BTNL3: variants seen among roughly 807,000 people sequenced by gnomAD.
BTNL3 encodes butyrophilin-like protein 3.
In BTNL3, 20 loss-of-function variants were observed where a neutral mutation model predicts 40.1. That is an observed-to-expected ratio of 0.50 (90% CI 0.35 to 0.72). BTNL3 has a LOEUF of 0.72. BTNL3 is among the 30% of genes least tolerant of loss of function. The pLI, the probability that BTNL3 is intolerant of heterozygous loss-of-function variation, is 0.01. For synonymous variants in BTNL3, 179 were observed against 222.1 expected (o/e 0.81, Z 1.73); for missense variants, 449 against 582.2 (o/e 0.77, Z 2.35).
chr5:181,004,990 T>C (rs1463492950), intron 7 of BTNL3, among the ~76,000 whole-genome samples: 1 of 152,086 alleles, frequency 6.6e-6, no homozygotes, highest in Non-Finnish European at 1.5e-5. Context: ...AGGGCATTAG[T>C]AGCTGGCTTC....
At chr5:180,992,209 T>C (rs1320358313) in intron 1 of BTNL3, among the ~76,000 whole-genome samples, 2 of 128,188 alleles carry the variant, frequency 1.6e-5, no homozygotes, top group African/African-American at 2.7e-5. Context: ...TGTCACACCA[T>C]GTCCTTCAGA....
Position 181,006,450 on chromosome 5 carries a change from G to A in BTNL3, c.*578G>A, listed in dbSNP as rs868227696. The A allele has an allele frequency of 6.5e-6, 1 of 154,546 alleles. No homozygotes were observed. The highest frequency in any genetic ancestry group is 2.4e-5 in the African/African-American group (1 of 41,576). The allele number at this position is 154,546 out of a possible 1,614,324, so 9.6% of individuals were successfully genotyped here. A position where few individuals can be genotyped will look rare whatever the true frequency, so the allele number is the denominator to read the frequency against. On this transcript the variant is annotated 3_prime_UTR_variant, in exon 8 of 8. Coordinates refer to ENST00000342868, the MANE Select transcript of BTNL3 (RefSeq NM_197975.3). ...GTGAGGCTCAAAGAATAAAGAGGAG[G>A]TAGGATTTTTCACTGATTCTATAAG...
intron 3 of BTNL3, among the ~76,000 whole-genome samples, chr5:181,002,199 C>T (rs1760122440): frequency 7.6e-6 from 1 of 131,634 alleles, no homozygotes. Flanking sequence ...AGCCCAGAAA[C>T]AAATCCAAGC....
At chr5:180,993,284 T>G in intron 2 of BTNL3, 124 bp downstream of exon 2, 1 of 1,279,342 alleles carries the variant, frequency 7.8e-7, no homozygotes, top group Non-Finnish European at 1.0e-6. Flanking sequence ...TAAAAAGGCT[T>G]CGGTGGGGAT....
rs1391516630 is a variant in BTNL3 at position 181,001,572 on chromosome 5, G to A, written c.674-1100G>A. Among the ~76,000 whole-genome samples, 4 of 133,698 alleles carry A rather than the reference G, an allele frequency of 3.0e-5. 1 individual carries two copies. The Admixed American group carries it at 3.2e-4, about 11-fold the overall frequency. The allele number at this position is 133,698 out of a possible 152,430, so 87.7% of individuals were successfully genotyped here. On this transcript the variant is annotated intron_variant, in intron 3 of 7. Transcript: ENST00000342868. ...CCTTAAGAAATCCTCCCGGCCAGGC[G>A]CGGTGGCTCATGCCTGTAATCCCAG...
In BTNL3 at chr5:180,989,976, A is replaced by G. The variant is rs1403250429; in HGVS notation, c.49+899A>G. On this transcript the variant is annotated intron_variant, in intron 1 of 7. Transcript: ENST00000342868. ...GGAGTTTGAGACTAGCCTGGCCAAC[A>G]TGGTGAAACCCCATCTCTACTAAAA... Among the ~76,000 whole-genome samples the G allele has an allele frequency of 2.9e-5, 4 of 136,184 alleles. 2 individuals carry two copies. The highest frequency in any genetic ancestry group is 6.7e-5 in the Non-Finnish European group (4 of 59,522). 89.3% of individuals were successfully genotyped at this position (136,184 alleles called of 152,430 possible). A position where few individuals can be genotyped will look rare whatever the true frequency, so the allele number is the denominator to read the frequency against.
Position 181,005,460 on chromosome 5 carries a change from T to C in BTNL3, c.989T>C (p.Val330Ala). 3 of 1,613,904 alleles carry C rather than the reference T, an allele frequency of 1.9e-6. No homozygotes were observed. Among genetic ancestry groups the C allele is most frequent in the Non-Finnish European group, 2.5e-6 (3 of 1,179,996 alleles). The part of the protein sequence containing the change: ...HSEKRFTRKS[V>A]VASQGFQAGK... ...GAGAAGAGATTTACAAGGAAGAGTGTGGTGGCTTCTCAGGGTTTCCAAGCA... is the reference window on the plus strand; with the variant it reads ...GAGAAGAGATTTACAAGGAAGAGTGCGGTGGCTTCTCAGGGTTTCCAAGCA... Residue 330 changes from valine to alanine, a missense_variant, in exon 8 of 8, where the codon GTG becomes GCG. This residue lies in a region of BTNL3 where 323 missense variants were observed against 464.9 expected (regional missense o/e 0.69). Transcript: ENST00000342868.
chr5:180,990,068 G>A (rs1759948805), intron 1 of BTNL3, among the ~76,000 whole-genome samples: 1 of 136,828 alleles, frequency 7.3e-6, no homozygotes, highest in Non-Finnish European at 1.7e-5. Flanking sequence ...GCTGAGGCAC[G>A]AGAATCACTT....
rs1759939471 is a variant in BTNL3 at position 180,989,179 on chromosome 5, G to A, written c.49+102G>A. Reference sequence around the variant, plus strand: ...GCACAGTGAGATGCAGGAATCTTTGGTGCTTGCATTCTCCAGCTTCTCCTG... The same window carrying A: ...GCACAGTGAGATGCAGGAATCTTTGATGCTTGCATTCTCCAGCTTCTCCTG... On this transcript the variant is annotated intron_variant, in intron 1 of 7. Coordinates refer to ENST00000342868, the MANE Select transcript of BTNL3 (RefSeq NM_197975.3). 3 of 1,251,202 alleles carry A rather than the reference G, an allele frequency of 2.4e-6. 1 individual carries two copies. The highest frequency in any genetic ancestry group is 1.5e-5 in the African/African-American group (1 of 66,352). 77.5% of individuals were successfully genotyped at this position (1,251,202 alleles called of 1,614,324 possible). A position where few individuals can be genotyped will look rare whatever the true frequency, so the allele number is the denominator to read the frequency against.
At chr5:181,002,641 A>G (rs772969659) in intron 3 of BTNL3, 31 bp from the exon 4 acceptor site, 1 of 1,444,066 alleles carries the variant, frequency 6.9e-7, no homozygotes, top group South Asian at 1.1e-5. Flanking sequence ...CTGCTTAGCT[A>G]TCACTAAGGG....
intron 1 of BTNL3, 94 bp downstream of exon 1, chr5:180,989,171 A>ATTCCTGC: frequency 1.6e-6 from 2 of 1,274,994 alleles, no homozygotes; most frequent in Non-Finnish European, 2.1e-6. Context: ...GAGATGCAGG[A>ATTCCTGC]ATCTTTGGTG....
At chr5:180,990,671 G>A (rs1759957494) in intron 1 of BTNL3, among the ~76,000 whole-genome samples, 1 of 138,008 alleles carries the variant, frequency 7.2e-6, no homozygotes, top group African/African-American at 2.5e-5. Flanking sequence ...CAGCCTTGAA[G>A]GCAGCACTCA....
At chr5:180,990,481 G>T (rs1036590907) in intron 1 of BTNL3, among the ~76,000 whole-genome samples, 1 of 137,816 alleles carries the variant, frequency 7.3e-6, no homozygotes, top group African/African-American at 2.5e-5. Flanking sequence ...CATGTAGAGC[G>T]TCCAGCACGG....
At chr5:181,002,525 A>G (rs991318948) in intron 3 of BTNL3, 147 bp from the exon 4 acceptor site, 1 of 431,874 alleles carries the variant, frequency 2.3e-6, no homozygotes, top group African/African-American at 2.2e-5. Flanking sequence ...ATGGATCAAG[A>G]TGTTTATAGA....
intron 7 of BTNL3, 21 bp downstream of exon 7, chr5:181,004,783 A>T (rs774442663): frequency 1.3e-6 from 2 of 1,595,698 alleles, no homozygotes; most frequent in Non-Finnish European, 1.7e-6. Flanking sequence ...CTGAGAGGGT[A>T]ACAGTGGGCA....
At position 181,004,848 on chromosome 5, in the gene BTNL3, C is replaced by G. The variant is rs1760190011; in HGVS notation, c.862+86C>G. The stretch of plus-strand genomic sequence containing the variant: ...TGGAGCCCATCCAGCTTGTAGACAG[C>G]AAATCTGTGATGCCCGAATCCACCC... On this transcript the variant is annotated intron_variant, in intron 7 of 7. Transcript: ENST00000342868. The G allele has an allele frequency of 3.7e-6, 6 of 1,612,114 alleles. No individual in the cohort carries two copies. The South Asian group carries it at 5.5e-5, about 15-fold the overall frequency.
chr5:180,995,990 T>C (rs1190351793), intron 2 of BTNL3, among the ~76,000 whole-genome samples: 1 of 136,338 alleles, frequency 7.3e-6, no homozygotes, highest in Admixed American at 7.8e-5. Context: ...CCTTCCTTGG[T>C]GCTTACACCA....
At chr5:180,989,145 A>G in intron 1 of BTNL3, 68 bp downstream of exon 1, 1 of 1,373,502 alleles carries the variant, frequency 7.3e-7, no homozygotes, top group South Asian at 1.3e-5. Context: ...ATTCATGACA[A>G]TGATCTCAGC....
At chr5:180,991,947 T>A (rs1035635413) in intron 1 of BTNL3, among the ~76,000 whole-genome samples, 1 of 137,724 alleles carries the variant, frequency 7.3e-6, no homozygotes, top group African/African-American at 2.5e-5. Flanking sequence ...AAAAATCTTA[T>A]AATGTTTTAA....
Sources: gnomAD v4.1 joint callset for allele counts (sites outside exome capture counted in the v4.1 genomes callset) on GRCh38, gnomAD v4.1.1 for gene constraint, gnomAD v4.1.1 regional missense constraint, MANE v1.5 for transcripts, NCBI Gene and HGNC (gene_info 2026-07-23, HGNC 2026-07-21) for gene names.